Variants in RFX3 observed in about 807,000 individuals in gnomAD.
RFX3 encodes the protein transcription factor RFX3.
A neutral mutation model predicts 98.6 loss-of-function variants in RFX3; 14 were observed. The ratio of observed to expected loss-of-function variants is 0.14; its 90% CI spans 0.09 to 0.22. The LOEUF is 0.22. Ranked by LOEUF, RFX3 falls within the 10% of genes least tolerant of loss-of-function variation. The pLI, the probability that RFX3 is intolerant of heterozygous loss-of-function variation, is 1.00. For missense variants in RFX3, 639 were observed against 926.9 expected (o/e 0.69, Z 4.03); for synonymous variants, 383 against 328.4 (o/e 1.17, Z -1.80).
intron 14 of RFX3, among the ~76,000 whole-genome samples, chr9:3,256,339 C>CTTTTTTT (rs200534632): frequency 6.9e-6 from 1 of 144,526 alleles, no homozygotes. Context: ...GGATTTGTTT[C>CTTTTTTT]TTTTTTTTTT....
intron 1 of RFX3, chr9:3,490,424 A>T (rs1404253061): frequency 1.0e-5 from 3 of 301,010 alleles, no homozygotes; most frequent in Non-Finnish European, 1.5e-5. Flanking sequence ...TGACTATTTA[A>T]AATTATTAAG....
rs1586626347 is a variant in RFX3, at chr9:3,222,230, TTA to T, written c.*2810_*2811del. 6.6e-6 allele frequency: 1 copy of T among 152,322 alleles called. No individual in the cohort carries two copies. Among genetic ancestry groups the T allele is most frequent in the East Asian group, 1.9e-4 (1 of 5,194 alleles). 9.4% of individuals were successfully genotyped at this position (152,322 alleles called of 1,614,324 possible). Reference sequence around the variant, plus strand: ...GTAGCATAAACCATAGGTCTTCTTTTTATGTTTTGATCCAAACTACTTACACT... The same window carrying T: ...GTAGCATAAACCATAGGTCTTCTTTTTGTTTTGATCCAAACTACTTACACT... On this transcript the variant is annotated 3_prime_UTR_variant, in exon 17 of 17. Coordinates refer to ENST00000617270, the MANE Select transcript of RFX3 (RefSeq NM_001282116.2).
intron 4 of RFX3, among the ~76,000 whole-genome samples, chr9:3,314,517 T>G (rs553813804): frequency 1.6e-4 from 24 of 152,266 alleles, no homozygotes; most frequent in African/African-American, 5.5e-4. Flanking sequence ...AATTCACACA[T>G]AACTATATTA....
chr9:3,270,859 G>T (rs189840892), intron 10 of RFX3, 144 bp downstream of exon 10: 2 of 1,187,528 alleles, frequency 1.7e-6, no homozygotes, highest in African/African-American at 1.5e-5. Context: ...GCAGTTCATG[G>T]TTTATTTCTA....
intron 4 of RFX3, among the ~76,000 whole-genome samples, chr9:3,313,051 C>T (rs1049008748): frequency 3.3e-5 from 5 of 152,172 alleles, no homozygotes; most frequent in African/African-American, 9.7e-5. Context: ...GATCTAAGAA[C>T]GGACAGATTG....
At chr9:3,340,511 G>A (rs921843396) in intron 3 of RFX3, among the ~76,000 whole-genome samples, 20 of 151,536 alleles carry the variant, frequency 1.3e-4, no homozygotes, top group East Asian at 3.9e-4. Context: ...TCATCTGACA[G>A]AGGGCTAATA....
At chr9:3,331,065 T>C (rs1314396581) in intron 3 of RFX3, among the ~76,000 whole-genome samples, 3 of 152,016 alleles carry the variant, frequency 2.0e-5, no homozygotes, top group Non-Finnish European at 2.9e-5. Flanking sequence ...TCCCTCCCCA[T>C]ATCTCTCTTT....
At chr9:3,289,039 G>C (rs1159688839) in intron 6 of RFX3, among the ~76,000 whole-genome samples, 6 of 151,990 alleles carry the variant, frequency 3.9e-5, no homozygotes, top group Non-Finnish European at 8.8e-5. Context: ...ACAAAGTTTT[G>C]CTCTGAATGG....
At chr9:3,508,199 A>G (rs1409417459) in intron 1 of RFX3, among the ~76,000 whole-genome samples, 1 of 151,946 alleles carries the variant, frequency 6.6e-6, no homozygotes, top group Non-Finnish European at 1.5e-5. Context: ...CACGTTCCAT[A>G]TTTGAGTTTC....
At chr9:3,245,810 T>C (rs535409602) in intron 15 of RFX3, among the ~76,000 whole-genome samples, 141 of 152,276 alleles carry the variant, frequency 9.3e-4, no homozygotes, top group African/African-American at 3.3e-3. Context: ...TGGTGATTTG[T>C]ATGGATTTCA....
chr9:3,501,990 G>A (rs1368683365), intron 1 of RFX3, among the ~76,000 whole-genome samples: 5 of 151,794 alleles, frequency 3.3e-5, no homozygotes, highest in Middle Eastern at 3.2e-3. Flanking sequence ...GGTGGCTCAC[G>A]CCTGTAATCC....
intron 4 of RFX3, among the ~76,000 whole-genome samples, chr9:3,303,622 G>C (rs570962836): frequency 6.6e-6 from 1 of 151,400 alleles, no homozygotes; most frequent in African/African-American, 2.4e-5. Context: ...TTTTCAGTTG[G>C]ATAAACCAGC....
intron 12 of RFX3, among the ~76,000 whole-genome samples, chr9:3,264,144 G>A (rs569573484): frequency 4.7e-4 from 71 of 152,088 alleles, no homozygotes; most frequent in Middle Eastern, 6.8e-3. Flanking sequence ...TTGGATGCAC[G>A]ATTTGTTGCC....
intron 1 of RFX3, chr9:3,469,187 G>C (rs770943347): frequency 2.2e-6 from 1 of 455,794 alleles, no homozygotes; most frequent in South Asian, 1.6e-5. Context: ...CATGTCCAAA[G>C]TTGAACTGCT....
chr9:3,332,596 G>A (rs1433931506), intron 3 of RFX3, among the ~76,000 whole-genome samples: 1 of 152,116 alleles, frequency 6.6e-6, no homozygotes, highest in Non-Finnish European at 1.5e-5. Context: ...CTGTAACGCA[G>A]ATATAAAAAT....
intron 12 of RFX3, among the ~76,000 whole-genome samples, chr9:3,264,156 G>A (rs1424155048): frequency 6.6e-6 from 1 of 152,066 alleles, no homozygotes; most frequent in African/African-American, 2.4e-5. Flanking sequence ...TTTGTTGCCT[G>A]TTCAGACCCT....
rs563307819 is a variant in RFX3, at chr9:3,473,947, G to A, written c.-9+51800C>T. Among the ~76,000 whole-genome samples, 33 of 152,232 alleles carry A rather than the reference G, an allele frequency of 2.2e-4. No homozygotes were observed. The South Asian group carries it at 6.4e-3, about 30-fold the overall frequency. The stretch of plus-strand genomic sequence containing the variant: ...AAAATAATAAAATATAGAATATAAT[G>A]TTTCTGAAAATGTAGCATGGAAGCC... On this transcript the variant is annotated intron_variant, in intron 1 of 16. Transcript: ENST00000617270.
At chr9:3,445,011 T>C (rs879650470) in intron 1 of RFX3, among the ~76,000 whole-genome samples, 4 of 152,144 alleles carry the variant, frequency 2.6e-5, no homozygotes, top group African/African-American at 4.8e-5. Context: ...ACAGAACAGA[T>C]AGTTTGTACT....
chr9:3,224,926 AATGTT>A lies in RFX3; in HGVS notation c.*111_*115del. On this transcript the variant is annotated 3_prime_UTR_variant, in exon 17 of 17. Coordinates refer to ENST00000617270, the MANE Select transcript of RFX3 (RefSeq NM_001282116.2). ...TTCCATTTCACAACTCCAAAAAGTT[AATGTT>A]CAGCACAGATAGAATTTGACAACAG... 1 of 1,022,420 alleles carries A rather than the reference AATGTT, an allele frequency of 9.8e-7. No individual in the cohort carries two copies. 63.3% of individuals were successfully genotyped at this position (1,022,420 alleles called of 1,614,324 possible).
Sources: allele counts gnomAD v4.1 joint callset (sites outside exome capture counted in the v4.1 genomes callset), GRCh38; gene constraint gnomAD v4.1.1; transcripts MANE v1.5; gene names NCBI Gene and HGNC (gene_info 2026-07-23, HGNC 2026-07-21).